RELCH: variants seen among roughly 807,000 people sequenced by gnomAD.
The protein encoded by RELCH is RAB11 binding and LisH domain, coiled-coil and HEAT repeat containing.
A neutral mutation model predicts 150.3 loss-of-function variants in RELCH; 41 were observed. That is an observed-to-expected ratio of 0.27 (90% confidence interval 0.21 to 0.35). The LOEUF (loss-of-function observed/expected upper bound fraction) is 0.35, where lower values mean the gene tolerates loss of function less well. RELCH is among the 10% of genes least tolerant of loss of function. The probability of loss-of-function intolerance (pLI) is 1.00; values close to 1 mark genes in which losing one functional copy is unlikely to be tolerated. For missense variants in RELCH, 1,092 were observed against 1,467.8 expected (o/e 0.74, Z 4.18); for synonymous variants, 478 against 531.8 (o/e 0.90, Z 1.39).
chr18:62,304,622 C>T (rs76665209), intron 28 of RELCH, among the ~76,000 whole-genome samples: 2,614 of 152,282 alleles, frequency 0.017, 89 homozygotes, highest in East Asian at 0.13. Flanking sequence ...AGCATGTTGG[C>T]CAAAGGCACA....
intron 10 of RELCH, 138 bp from the exon 11 acceptor site, chr18:62,244,626 C>T (rs569767300): frequency 3.0e-5 from 17 of 557,918 alleles, no homozygotes; most frequent in African/African-American, 3.0e-4. Context: ...AATTACCAAC[C>T]TTACAAAATT....
chr18:62,287,000 C>T (rs1286251730), intron 25 of RELCH, among the ~76,000 whole-genome samples: 1 of 152,054 alleles, frequency 6.6e-6, no homozygotes, highest in Non-Finnish European at 1.5e-5. Context: ...AACTTAACTG[C>T]AAGTATAAAT....
chr18:62,208,796 A>C (rs1355109340), intron 1 of RELCH, among the ~76,000 whole-genome samples: 2 of 152,182 alleles, frequency 1.3e-5, no homozygotes, highest in East Asian at 3.8e-4. Context: ...TGGTAAGGAT[A>C]ATGGCCTCCA....
chr18:62,299,902 A>G (rs1174711139), intron 28 of RELCH: 4 of 152,318 alleles, frequency 2.6e-5, no homozygotes, highest in African/African-American at 9.6e-5. Flanking sequence ...TCACACCAAC[A>G]TAACAATAAC....
At chr18:62,291,993 C>G (rs1338605908) in intron 27 of RELCH, among the ~76,000 whole-genome samples, 1 of 152,122 alleles carries the variant, frequency 6.6e-6, no homozygotes, top group Non-Finnish European at 1.5e-5. Context: ...TTATTTCATT[C>G]TATTTGTCTC....
At chr18:62,221,310 C>G in intron 4 of RELCH, 36 bp downstream of exon 4, 1 of 1,551,426 alleles carries the variant, frequency 6.4e-7, no homozygotes, top group Non-Finnish European at 8.9e-7. Flanking sequence ...ATTAATCTTC[C>G]ACATTAAATG....
intron 24 of RELCH, 125 bp downstream of exon 24, chr18:62,280,834 AG>A: frequency 1.6e-6 from 1 of 627,180 alleles, no homozygotes; most frequent in East Asian, 2.8e-5. Context: ...TACAGGCCAG[AG>A]GAGGATCTCA....
In RELCH at chr18:62,272,934, A is replaced by G. The variant is rs191825432; in HGVS notation, c.2761-1046A>G. On this transcript the variant is annotated intron_variant, in intron 20 of 28. Coordinates refer to ENST00000644646, the MANE Select transcript of RELCH (RefSeq NM_001346231.2). ...GTCCTGATGCTGATTTGTCAGTTAA[A>G]TTGTGTGTCCTAAAACTGTTATATT... Among the ~76,000 whole-genome samples the G allele has an allele frequency of 1.0e-3, 152 of 152,012 alleles. 1 individual carries two copies. Among genetic ancestry groups the G allele is most frequent in the African/African-American group, 3.6e-3 (148 of 41,518 alleles).
intron 27 of RELCH, among the ~76,000 whole-genome samples, chr18:62,295,321 T>G (rs929299708): frequency 2.6e-5 from 4 of 150,970 alleles, no homozygotes; most frequent in African/African-American, 7.3e-5. Context: ...CTGGTGTGTT[T>G]TTTTTTTTTT....
chr18:62,240,377 G>C (rs978608901), intron 10 of RELCH, among the ~76,000 whole-genome samples: 9 of 150,102 alleles, frequency 6.0e-5, no homozygotes, highest in Non-Finnish European at 1.0e-4. Context: ...GATTACCATT[G>C]ACTCAAAGAA....
intron 28 of RELCH, chr18:62,300,148 TAG>T (rs1455143226): frequency 7.2e-5 from 11 of 152,252 alleles, no homozygotes; most frequent in Non-Finnish European, 1.6e-4. Context: ...ATTTGTCCTA[TAG>T]AGTTTCCCAC....
At position 62,221,111 on chromosome 18, in the gene RELCH, G is replaced by A. The variant is rs1256404745; in HGVS notation, c.688+3G>A. The A allele has an allele frequency of 6.2e-7, 1 of 1,612,892 alleles. No homozygotes were observed. Among genetic ancestry groups the A allele is most frequent in the Non-Finnish European group, 8.5e-7 (1 of 1,179,314 alleles). On this transcript the variant is annotated splice_donor_region_variant and intron_variant, in intron 3 of 28. Transcript: ENST00000644646. ...AGCCAACCTGACAAAGGCCGCAGGTGGTGTACATAAAACTTTTTTGAGACT... is the reference window on the plus strand; with the variant it reads ...AGCCAACCTGACAAAGGCCGCAGGTAGTGTACATAAAACTTTTTTGAGACT...
chr18:62,198,394 A>G (rs1429592285), intron 1 of RELCH, among the ~76,000 whole-genome samples: 2 of 152,232 alleles, frequency 1.3e-5, no homozygotes, highest in Non-Finnish European at 2.9e-5. Flanking sequence ...AAGGAGGAGT[A>G]GAACACAGTT....
chr18:62,226,514 G>C (rs182277864), intron 5 of RELCH, among the ~76,000 whole-genome samples: 1 of 152,024 alleles, frequency 6.6e-6, no homozygotes, highest in East Asian at 1.9e-4. Context: ...TATGTATTAA[G>C]TTGGAGTAAT....
Position 62,191,970 on chromosome 18 carries a change from C to T in RELCH, c.526+3939C>T, listed in dbSNP as rs186038740. On this transcript the variant is annotated intron_variant, in intron 1 of 28. Transcript: ENST00000644646. The stretch of plus-strand genomic sequence containing the variant: ...GTTCTAGATCTTAGAGGAATCACCA[C>T]GCTGTCTTCCACAATGGTTTAACTA... Among the ~76,000 whole-genome samples the T allele has an allele frequency of 2.3e-3, 347 of 152,282 alleles. 4 individuals are homozygous for T. Among genetic ancestry groups the T allele is most frequent in the African/African-American group, 7.9e-3 (330 of 41,558 alleles).
At chr18:62,232,693 A>T (rs1183566798) in intron 10 of RELCH, among the ~76,000 whole-genome samples, 1 of 152,064 alleles carries the variant, frequency 6.6e-6, no homozygotes, top group Non-Finnish European at 1.5e-5. Flanking sequence ...CTGTAGGTCC[A>T]TTTATGTGCC....
chr18:62,189,498 T>A (rs1010574148), intron 1 of RELCH, among the ~76,000 whole-genome samples: 1 of 152,174 alleles, frequency 6.6e-6, no homozygotes, highest in African/African-American at 2.4e-5. Flanking sequence ...TGGTCAGTTC[T>A]TCAGAGACAT....
chr18:62,222,863 T>G (rs1021157310), intron 5 of RELCH, among the ~76,000 whole-genome samples: 1 of 151,980 alleles, frequency 6.6e-6, no homozygotes, highest in African/African-American at 2.4e-5. Context: ...TAGCAATTAG[T>G]AACAAAGTTA....
chr18:62,275,513 ATT>A (rs369130664), intron 22 of RELCH, 40 bp downstream of exon 22: 549 of 1,049,652 alleles, frequency 5.2e-4, no homozygotes, highest in Admixed American at 1.2e-3. Context: ...AATTATAATG[ATT>A]TTTTTTTTTT....
Sources: allele counts gnomAD v4.1 joint callset (sites outside exome capture counted in the v4.1 genomes callset), GRCh38; gene constraint gnomAD v4.1.1; transcripts MANE v1.5; gene names NCBI Gene and HGNC (gene_info 2026-07-23, HGNC 2026-07-21).